KIR2DL3: variants seen among roughly 807,000 people sequenced by gnomAD.
KIR2DL3 encodes killer cell immunoglobulin-like receptor 2DL3.
In KIR2DL3, 39 loss-of-function variants were observed where a neutral mutation model predicts 33.8. The ratio of observed to expected loss-of-function variants is 1.15; its 90% CI spans 0.89 to 1.51. The LOEUF (loss-of-function observed/expected upper bound fraction) is 1.51. Ranked by LOEUF, KIR2DL3 falls within the 40% of genes most tolerant of loss-of-function variation. The pLI, the probability that KIR2DL3 is intolerant of heterozygous loss-of-function variation, is 0.00. For synonymous variants in KIR2DL3, 174 were observed against 160.2 expected (o/e 1.09, Z -0.65); for missense variants, 462 against 426.2 (o/e 1.08, Z -0.74).
intron 4 of KIR2DL3, among the ~76,000 whole-genome samples, chr19:54,744,954 ATTTT>A (rs71195797): frequency 0.015 from 451 of 30,900 alleles, 4 homozygotes; most frequent in African/African-American, 0.037. Context: ...ATATATATAT[ATTTT>A]TTTTTTTTTT....
chr19:54,741,371 C>G (rs600235), intron 2 of KIR2DL3, among the ~76,000 whole-genome samples: 23,828 of 129,434 alleles, frequency 0.18, 152 homozygotes, highest in South Asian at 0.23. Flanking sequence ...AGAAACCAAA[C>G]AAGGAGAAGG....
intron 3 of KIR2DL3, among the ~76,000 whole-genome samples, chr19:54,743,290 GA>G (rs2071538820): frequency 6.6e-6 from 1 of 151,902 alleles, no homozygotes; most frequent in African/African-American, 2.4e-5. Context: ...TACAGATAGA[GA>G]GGCAGACAGA....
At chr19:54,744,362 A>G (rs376186999) in intron 4 of KIR2DL3, among the ~76,000 whole-genome samples, 8 of 150,784 alleles carry the variant, frequency 5.3e-5, no homozygotes, top group East Asian at 2.0e-4. Flanking sequence ...TCAGTTTGGG[A>G]AGATCAGAGG....
chr19:54,740,068 G>A (rs1297977839), intron 2 of KIR2DL3, among the ~76,000 whole-genome samples: 4 of 152,304 alleles, frequency 2.6e-5, no homozygotes, highest in African/African-American at 7.2e-5. Context: ...TCTTTACTCA[G>A]CACTTGCTCA....
At chr19:54,744,717 G>A (rs1555905362) in intron 4 of KIR2DL3, among the ~76,000 whole-genome samples, 1 of 147,870 alleles carries the variant, frequency 6.8e-6, no homozygotes, top group Non-Finnish European at 1.5e-5. Context: ...AGTAGAGAGG[G>A]GGTTTCACCA....
rs2073735270 is a variant in KIR2DL3 at position 54,753,036 on chromosome 19, A to T, written c.*517A>T. 1.1e-5 allele frequency: 2 copies of T among 178,306 alleles called. No homozygotes were observed. The highest frequency in any genetic ancestry group is 1.2e-4 in the Admixed American group (2 of 16,098). The allele number at this position is 178,306 out of a possible 1,614,324, so 11.0% of individuals were successfully genotyped here. On this transcript the variant is annotated 3_prime_UTR_variant, in exon 8 of 8. Coordinates refer to ENST00000342376, the MANE Select transcript of KIR2DL3 (RefSeq NM_015868.3). ...CAATGTAGTTTTCCCTCCTTCAAAT[A>T]AACATGTCTGCCCTCATGGTTTAGG...
intron 4 of KIR2DL3, among the ~76,000 whole-genome samples, chr19:54,745,554 G>C (rs10402147): frequency 0.26 from 38,939 of 148,640 alleles, 5,127 homozygotes; most frequent in Middle Eastern, 0.34. Context: ...AGTATAGATG[G>C]GGTTTCCCCA....
intron 4 of KIR2DL3, among the ~76,000 whole-genome samples, chr19:54,744,950 A>G (rs1439430969): frequency 7.8e-4 from 21 of 26,788 alleles, no homozygotes; most frequent in Non-Finnish European, 1.3e-3. Flanking sequence ...ATATATATAT[A>G]TATATTTTTT....
intron 3 of KIR2DL3, among the ~76,000 whole-genome samples, chr19:54,743,082 T>A (rs1314771792): frequency 6.6e-6 from 1 of 151,170 alleles, no homozygotes; most frequent in African/African-American, 2.4e-5. Flanking sequence ...AACATGGAGA[T>A]GTGGGGATGA....
chr19:54,743,999 A>G lies in KIR2DL3; in HGVS notation c.575A>G (p.His192Arg). 1 of 1,614,196 alleles carries G rather than the reference A, an allele frequency of 6.2e-7. No individual in the cohort carries two copies. ...GACTTTCCTCTGGGCCCTGCCACCCACGGAGGAACCTACAGATGCTTCGGC... is the reference window on the plus strand; with the variant it reads ...GACTTTCCTCTGGGCCCTGCCACCCGCGGAGGAACCTACAGATGCTTCGGC... ...QADFPLGPAT[H>R]GGTYRCFGSF... is the part of the protein sequence containing the mutation. The change falls in exon 4 of 8, where the codon CAC (histidine) becomes CGC (arginine). Residue 192 changes from histidine to arginine, a missense_variant. His to Arg is a conservative substitution (Grantham distance 29). Coordinates refer to ENST00000342376, the MANE Select transcript of KIR2DL3 (RefSeq NM_015868.3).
chr19:54,740,932 G>T (rs1187537803), intron 2 of KIR2DL3, among the ~76,000 whole-genome samples: 2 of 151,368 alleles, frequency 1.3e-5, no homozygotes, highest in African/African-American at 2.4e-5. Context: ...GTGGAGGAAG[G>T]CCAAGATCCA....
chr19:54,745,626 A>G (rs1322200263), intron 4 of KIR2DL3, among the ~76,000 whole-genome samples: 2 of 150,680 alleles, frequency 1.3e-5, no homozygotes, highest in African/African-American at 4.9e-5. Flanking sequence ...GGTCTCCCAA[A>G]GTGCCGGGAT....
rs2071664277 is a variant in KIR2DL3 at position 54,743,821 on chromosome 19, G to T, written c.397G>T (p.Ala133Ser). Residue 133 changes from alanine to serine, a missense_variant, in exon 4 of 8, where the codon GCC (alanine) becomes TCC (serine). Physicochemically the swap from Ala to Ser is moderately conservative, Grantham distance 99 (BLOSUM62 1). Coordinates refer to ENST00000342376, the MANE Select transcript of KIR2DL3 (RefSeq NM_015868.3). ...TGLYEKPSLSAQPGPTVLAGE... is the reference protein window; with the variant it reads ...TGLYEKPSLSSQPGPTVLAGE... ...TCTATATGAGAAACCTTCTCTCTCAGCCCAGCCGGGCCCCACGGTTCTGGC... is the reference window on the plus strand; with the variant it reads ...TCTATATGAGAAACCTTCTCTCTCATCCCAGCCGGGCCCCACGGTTCTGGC... 2 of 1,610,470 alleles carry T rather than the reference G, an allele frequency of 1.2e-6. No individual in the cohort carries two copies.
intron 1 of KIR2DL3, among the ~76,000 whole-genome samples, chr19:54,739,190 T>C: frequency 6.7e-6 from 1 of 150,060 alleles, no homozygotes; most frequent in Non-Finnish European, 1.5e-5. Context: ...GGTGGAGATC[T>C]GGGCCTGGGG....
At chr19:54,745,435 T>TCTC (rs1335999343) in intron 4 of KIR2DL3, among the ~76,000 whole-genome samples, 1 of 151,744 alleles carries the variant, frequency 6.6e-6, no homozygotes, top group Non-Finnish European at 1.5e-5. Context: ...TCATCTTGGC[T>TCTC]CATTGCAACC....
At chr19:54,741,446 G>C (rs1313652972) in intron 2 of KIR2DL3, among the ~76,000 whole-genome samples, 2 of 151,978 alleles carry the variant, frequency 1.3e-5, no homozygotes, top group African/African-American at 4.8e-5. Context: ...TCCACATAGG[G>C]AGGGGTTGAT....
chr19:54,744,597 G>C (rs1393453873), intron 4 of KIR2DL3, among the ~76,000 whole-genome samples: 7 of 150,774 alleles, frequency 4.6e-5, no homozygotes, highest in African/African-American at 1.7e-4. Flanking sequence ...CACAATCTCA[G>C]CTCACTGCAA....
At chr19:54,744,563 G>T (rs1441381308) in intron 4 of KIR2DL3, among the ~76,000 whole-genome samples, 5 of 148,194 alleles carry the variant, frequency 3.4e-5, no homozygotes, top group African/African-American at 1.0e-4. Flanking sequence ...GTCTAGCTCT[G>T]TCCCCTATGC....
intron 5 of KIR2DL3, among the ~76,000 whole-genome samples, chr19:54,748,726 A>G (rs1423603620): frequency 8.4e-5 from 12 of 142,902 alleles, no homozygotes; most frequent in Non-Finnish European, 7.7e-5. Context: ...GATTCAAGTG[A>G]TTCTCCTGCC....
Sources: gnomAD v4.1 joint callset for allele counts (sites outside exome capture counted in the v4.1 genomes callset) on GRCh38, gnomAD v4.1.1 for gene constraint, MANE v1.5 for transcripts, NCBI Gene and HGNC (gene_info 2026-07-23, HGNC 2026-07-21) for gene names.